The following KCND2 variants were observed in gnomAD, a reference collection of about 807,000 sequenced individuals.
The protein encoded by KCND2 is A-type voltage-gated potassium channel KCND2.
A neutral mutation model predicts 54.4 loss-of-function variants in KCND2; 16 were observed. That is an observed-to-expected ratio of 0.29 (90% CI 0.20 to 0.45). KCND2 has a LOEUF of 0.45. Ranked by LOEUF, KCND2 falls within the 20% of genes least tolerant of loss-of-function variation. KCND2 has a pLI of 1.00. For synonymous variants in KCND2, 317 were observed against 310.7 expected (o/e 1.02, Z -0.21); for missense variants, 486 against 824.2 (o/e 0.59, Z 5.02).
intron 1 of KCND2, among the ~76,000 whole-genome samples, chr7:120,284,093 G>A (rs532366359): frequency 1.3e-5 from 2 of 150,658 alleles, no homozygotes; most frequent in Admixed American, 1.3e-4. Context: ...GCAAAAAAAG[G>A]GTATGCTTTC....
chr7:120,665,536 C>T (rs974004318), intron 1 of KCND2, among the ~76,000 whole-genome samples: 4 of 152,012 alleles, frequency 2.6e-5, no homozygotes, highest in African/African-American at 9.7e-5. Context: ...GTAATGTCAA[C>T]AGCTTTCATT....
rs572985767 is a variant in KCND2, at chr7:120,377,037, A to T, written c.1115+101290A>T. Among the ~76,000 whole-genome samples, 3 of 152,044 alleles carry T rather than the reference A, an allele frequency of 2.0e-5. No individual in the cohort carries two copies. In the South Asian group the frequency reaches 6.2e-4, roughly 32 times the overall value. On this transcript the variant is annotated intron_variant, in intron 1 of 5. Coordinates refer to ENST00000331113, the MANE Select transcript of KCND2 (RefSeq NM_012281.3). The stretch of plus-strand genomic sequence containing the variant: ...AATTTGATGTTTGGTTTAGCATTAG[A>T]TACAGTGTTGAAGAAACTGCTGAAA...
chr7:120,436,283 C>T (rs187216514), intron 1 of KCND2, among the ~76,000 whole-genome samples: 25 of 152,120 alleles, frequency 1.6e-4, no homozygotes, highest in African/African-American at 5.8e-4. Flanking sequence ...AATATGTACT[C>T]ATCATTAAGA....
At chr7:120,458,284 T>G (rs935581168) in intron 1 of KCND2, among the ~76,000 whole-genome samples, 1 of 152,218 alleles carries the variant, frequency 6.6e-6, no homozygotes, top group Non-Finnish European at 1.5e-5. Flanking sequence ...GTAGGGAGAC[T>G]TCCAGGTCAC....
intron 1 of KCND2, among the ~76,000 whole-genome samples, chr7:120,472,363 G>A (rs553469769): frequency 6.6e-6 from 1 of 152,060 alleles, no homozygotes; most frequent in East Asian, 2.0e-4. Context: ...TAGCAGAACA[G>A]GAAAAATGGC....
intron 1 of KCND2, among the ~76,000 whole-genome samples, chr7:120,523,358 AAG>A (rs1466659908): frequency 6.6e-6 from 1 of 151,824 alleles, no homozygotes; most frequent in African/African-American, 2.4e-5. Flanking sequence ...TTCAGAAAAA[AAG>A]TAATTTCATT....
At chr7:120,394,232 A>G (rs138518830) in intron 1 of KCND2, among the ~76,000 whole-genome samples, 1 of 152,044 alleles carries the variant, frequency 6.6e-6, no homozygotes, top group Non-Finnish European at 1.5e-5. Context: ...CGGGTTTTTC[A>G]AGTATAGTTT....
chr7:120,342,446 C>T (rs1441338682), intron 1 of KCND2, among the ~76,000 whole-genome samples: 1 of 152,098 alleles, frequency 6.6e-6, no homozygotes, highest in African/African-American at 2.4e-5. Flanking sequence ...ATTTCTATCA[C>T]CAACGATAAA....
chr7:120,374,349 C>T (rs1800806156), intron 1 of KCND2, among the ~76,000 whole-genome samples: 1 of 151,696 alleles, frequency 6.6e-6, no homozygotes, highest in Non-Finnish European at 1.5e-5. Context: ...TTTAAAGAAA[C>T]ATTTTACAAT....
chr7:120,348,685 A>G (rs1800359603), intron 1 of KCND2, among the ~76,000 whole-genome samples: 1 of 152,226 alleles, frequency 6.6e-6, no homozygotes, highest in Non-Finnish European at 1.5e-5. Flanking sequence ...AAGGAAAGCT[A>G]TGACCTCATG....
At chr7:120,713,684 A>G (rs1039369219) in intron 1 of KCND2, among the ~76,000 whole-genome samples, 2 of 152,176 alleles carry the variant, frequency 1.3e-5, no homozygotes, top group African/African-American at 2.4e-5. Flanking sequence ...TGATCCTGTT[A>G]TCTTTTGCTA....
At chr7:120,733,367 C>T (rs940574385) in intron 2 of KCND2, among the ~76,000 whole-genome samples, 2 of 152,104 alleles carry the variant, frequency 1.3e-5, no homozygotes, top group Admixed American at 1.3e-4. Context: ...ACACTGCTTC[C>T]TAATGTCCCT....
intron 1 of KCND2, among the ~76,000 whole-genome samples, chr7:120,507,009 G>A (rs1562858401): frequency 2.0e-5 from 3 of 151,756 alleles, no homozygotes; most frequent in Non-Finnish European, 4.4e-5. Context: ...GCATTTACAT[G>A]TATATTATTT....
At chr7:120,567,790 A>G (rs1424536525) in intron 1 of KCND2, among the ~76,000 whole-genome samples, 1 of 152,114 alleles carries the variant, frequency 6.6e-6, no homozygotes, top group Non-Finnish European at 1.5e-5. Flanking sequence ...TTGCACACCA[A>G]CATCATGGGT....
chr7:120,730,283 C>T (rs1181076253), intron 1 of KCND2, among the ~76,000 whole-genome samples: 1 of 151,968 alleles, frequency 6.6e-6, no homozygotes, highest in Non-Finnish European at 1.5e-5. Context: ...GGGCTTACTG[C>T]ATAATCAGTG....
rs185733222 is a variant in KCND2, at chr7:120,562,128, C to T, written c.1116-170775C>T. The stretch of plus-strand genomic sequence containing the variant: ...CAGACATCTCTTTGAAAGTTATAAG[C>T]GCAAGAGGACAAGAGGTAGCAGTTA... On this transcript the variant is annotated intron_variant, in intron 1 of 5. Transcript: ENST00000331113. Among the ~76,000 whole-genome samples, 44 of 152,110 alleles carry T rather than the reference C, an allele frequency of 2.9e-4. 1 individual carries two copies. The highest frequency in any genetic ancestry group is 9.2e-4 in the African/African-American group (38 of 41,488).
intron 1 of KCND2, among the ~76,000 whole-genome samples, chr7:120,373,369 G>C (rs1195838100): frequency 6.6e-6 from 1 of 151,802 alleles, no homozygotes; most frequent in East Asian, 1.9e-4. Context: ...ATACAATCCA[G>C]AATAGCCAGT....
chr7:120,447,743 T>C (rs1277206648), intron 1 of KCND2, among the ~76,000 whole-genome samples: 1 of 152,212 alleles, frequency 6.6e-6, no homozygotes. Context: ...GTAAACATAA[T>C]TAGTATTCTC....
chr7:120,302,832 A>G (rs572201805), intron 1 of KCND2, among the ~76,000 whole-genome samples: 16 of 152,324 alleles, frequency 1.1e-4, no homozygotes, highest in African/African-American at 3.4e-4. Flanking sequence ...CCAGATTTTC[A>G]GAATGAATCA....
Sources: gnomAD v4.1 joint callset for allele counts (sites outside exome capture counted in the v4.1 genomes callset) on GRCh38, gnomAD v4.1.1 for gene constraint, MANE v1.5 for transcripts, NCBI Gene and HGNC (gene_info 2026-07-23, HGNC 2026-07-21) for gene names.